The following C1GALT1 variants were observed in gnomAD, a reference collection of about 807,000 sequenced individuals.
C1GALT1 encodes the protein glycoprotein-N-acetylgalactosamine 3-beta-galactosyltransferase 1.
In C1GALT1, 11 loss-of-function variants were observed where a neutral mutation model predicts 31.0. That is an observed-to-expected ratio of 0.36 (90% CI 0.22 to 0.59). The LOEUF (loss-of-function observed/expected upper bound fraction) is 0.59, where lower values mean the gene tolerates loss of function less well. Among genes scored for constraint, C1GALT1 ranks in the 20% least tolerant of loss-of-function variants. The probability of loss-of-function intolerance (pLI) is 0.79; values close to 1 mark genes in which losing one functional copy is unlikely to be tolerated. For synonymous variants in C1GALT1, 175 were observed against 143.6 expected (o/e 1.22, Z -1.56); for missense variants, 424 against 425.2 (o/e 1.00, Z 0.03).
chr7:7,238,460 A>T lies in C1GALT1; in HGVS notation c.426A>T (p.Gln142His). ...VGLKTKEGRDQLYWKTIKAFQ... is the reference protein window; with the variant it reads ...VGLKTKEGRDHLYWKTIKAFQ... ...TGAAAACCAAAGAAGGCAGAGATCA[A>T]CTATACTGGAAAACAATTAAAGCTT... The change falls in exon 3 of 4, where the codon CAA becomes CAT. Residue 142 changes from glutamine to histidine, a missense_variant. Gln to His is a conservative substitution (Grantham distance 24, BLOSUM62 0). Coordinates refer to ENST00000436587, the MANE Select transcript of C1GALT1 (RefSeq NM_020156.5). This position sits in a 1 kb window ranked among gnomAD's most constrained non-coding sequence, Gnocchi z 5.2. The T allele has an allele frequency of 3.1e-6, 5 of 1,613,928 alleles. No individual in the cohort carries two copies. Among genetic ancestry groups the T allele is most frequent in the Non-Finnish European group, 4.2e-6 (5 of 1,179,960 alleles).
intron 1 of C1GALT1, among the ~76,000 whole-genome samples, chr7:7,190,858 G>C (rs1224212145): frequency 6.6e-6 from 1 of 151,984 alleles, no homozygotes; most frequent in African/African-American, 2.4e-5. Flanking sequence ...TTTTTGCCAA[G>C]TTATATAATT....
intron 2 of C1GALT1, among the ~76,000 whole-genome samples, chr7:7,169,905 C>T (rs1195530751): frequency 1.3e-5 from 2 of 152,130 alleles, no homozygotes; most frequent in Non-Finnish European, 2.9e-5. Context: ...CTTCTATTTT[C>T]TGAAAGAGTT....
At chr7:7,205,144 C>G (rs1345257660) in intron 1 of C1GALT1, among the ~76,000 whole-genome samples, 2 of 151,880 alleles carry the variant, frequency 1.3e-5, no homozygotes, top group African/African-American at 4.8e-5. Flanking sequence ...AGAACTATTT[C>G]TCCTTTCATT....
upstream of C1GALT1, chr7:7,177,951 C>A: frequency 4.9e-6 from 1 of 203,628 alleles, no homozygotes. Context: ...TACTACAGGT[C>A]ATCCAGCTAA....
chr7:7,209,517 A>G (rs1194808307), intron 1 of C1GALT1: 2 of 152,230 alleles, frequency 1.3e-5, no homozygotes, highest in Non-Finnish European at 2.9e-5. Context: ...GTATAGAAAC[A>G]GGAGCATGAT....
At chr7:7,180,676 A>G (rs570654562), upstream of C1GALT1, among the ~76,000 whole-genome samples, 132 of 152,326 alleles carry the variant, frequency 8.7e-4, no homozygotes, top group African/African-American at 3.0e-3. Context: ...ACTTCTTTGC[A>G]TTTTTGTTTA....
chr7:7,175,726 C>T (rs991109215), intron 2 of C1GALT1, among the ~76,000 whole-genome samples: 1 of 152,116 alleles, frequency 6.6e-6, no homozygotes, highest in Admixed American at 6.5e-5. Flanking sequence ...ATAGCTTAAA[C>T]AACATAAATT....
chr7:7,214,550 G>A (rs1172529834), intron 1 of C1GALT1, among the ~76,000 whole-genome samples: 2 of 152,142 alleles, frequency 1.3e-5, no homozygotes, highest in Non-Finnish European at 2.9e-5. Context: ...GCCATGCCAA[G>A]CAGTTAAGAT....
chr7:7,239,667 A>C (rs1473978728), intron 3 of C1GALT1, among the ~76,000 whole-genome samples: 1 of 152,166 alleles, frequency 6.6e-6, no homozygotes, highest in Non-Finnish European at 1.5e-5. Context: ...ATTCCTGAGA[A>C]TTTTATCTAA....
intron 1 of C1GALT1, among the ~76,000 whole-genome samples, chr7:7,214,524 C>T (rs900567615): frequency 6.6e-6 from 1 of 152,170 alleles, no homozygotes; most frequent in Admixed American, 6.5e-5. Context: ...TTTAAATCCC[C>T]TGTTACTTGA....
At chr7:7,228,671 G>C (rs985088341) in intron 1 of C1GALT1, among the ~76,000 whole-genome samples, 1 of 152,168 alleles carries the variant, frequency 6.6e-6, no homozygotes, top group Non-Finnish European at 1.5e-5. Context: ...AATTGGAAGG[G>C]AATGTGGTAA....
intron 2 of C1GALT1, among the ~76,000 whole-genome samples, chr7:7,170,415 A>G (rs1031259503): frequency 1.3e-5 from 2 of 152,170 alleles, no homozygotes; most frequent in African/African-American, 4.8e-5. Flanking sequence ...ATTTATAGTT[A>G]TAAGTTTGCC....
chr7:7,189,643 A>G (rs1780971596), intron 1 of C1GALT1, among the ~76,000 whole-genome samples: 1 of 152,088 alleles, frequency 6.6e-6, no homozygotes, highest in South Asian at 2.1e-4. Context: ...AAAAAAATAT[A>G]TTTCATAAAG....
chr7:7,206,565 A>G (rs775748643), intron 1 of C1GALT1, among the ~76,000 whole-genome samples: 49 of 151,754 alleles, frequency 3.2e-4, no homozygotes, highest in Non-Finnish European at 4.9e-4. Flanking sequence ...AATCCCAGCT[A>G]CTCGGGAGGC....
At chr7:7,231,010 A>G (rs1008896) in intron 1 of C1GALT1, among the ~76,000 whole-genome samples, 11,837 of 152,192 alleles carry the variant, frequency 0.078, 538 homozygotes, top group East Asian at 0.17. Flanking sequence ...TTTTATCTGA[A>G]ATTCTTTTCC....
upstream of C1GALT1, among the ~76,000 whole-genome samples, chr7:7,178,680 T>A (rs1239652105): frequency 2.0e-5 from 3 of 152,080 alleles, no homozygotes; most frequent in Admixed American, 6.5e-5. Flanking sequence ...GCAAAGATAA[T>A]CCTAACATTG....
At chr7:7,196,309 C>T (rs6951671) in intron 1 of C1GALT1, among the ~76,000 whole-genome samples, 18,256 of 150,018 alleles carry the variant, frequency 0.12, 1,514 homozygotes, top group African/African-American at 0.23. Context: ...TGAGAACATA[C>T]GGTGTTTGGT....
At chr7:7,234,648 A>T in intron 2 of C1GALT1, 109 bp downstream of exon 2, 2 of 761,454 alleles carry the variant, frequency 2.6e-6, no homozygotes, top group Non-Finnish European at 4.1e-6. Flanking sequence ...TCCAGATATT[A>T]AAAATAATTC....
chr7:7,190,437 A>G (rs1452663378), intron 1 of C1GALT1, among the ~76,000 whole-genome samples: 3 of 152,172 alleles, frequency 2.0e-5, no homozygotes, highest in Non-Finnish European at 4.4e-5. Flanking sequence ...GGGATGTTCC[A>G]TTCTCACTTT....
Sources: gnomAD v4.1 joint callset for allele counts (sites outside exome capture counted in the v4.1 genomes callset) on GRCh38, gnomAD v4.1.1 for gene constraint, Gnocchi (gnomAD v3.1) non-coding constraint, MANE v1.5 for transcripts, NCBI Gene and HGNC (gene_info 2026-07-23, HGNC 2026-07-21) for gene names.